HDAC4: variants seen among roughly 807,000 people sequenced by gnomAD.
HDAC4 encodes histone deacetylase 4.
A neutral mutation model predicts 135.1 loss-of-function variants in HDAC4; 16 were observed. That is an observed-to-expected ratio of 0.12 (90% CI 0.08 to 0.18). The LOEUF (loss-of-function observed/expected upper bound fraction) is 0.18, where lower values mean the gene tolerates loss of function less well. Among genes scored for constraint, HDAC4 ranks in the 10% least tolerant of loss-of-function variants. The pLI is 1.00. For missense variants in HDAC4, 1,143 were observed against 1,511.8 expected (o/e 0.76, Z 4.05); for synonymous variants, 685 against 653.4 (o/e 1.05, Z -0.74).
chr2:239,149,707 C>T (rs1003475312), intron 7 of HDAC4, among the ~76,000 whole-genome samples: 8 of 152,324 alleles, frequency 5.3e-5, no homozygotes, highest in Admixed American at 2.6e-4. Flanking sequence ...ACGTTGCTCA[C>T]GTGCTCCTGG....
In HDAC4 at chr2:239,068,571, C is replaced by T. The variant is rs780024560; in HGVS notation, c.2787G>A (p.Pro929=). 1.7e-5 allele frequency: 28 copies of T among 1,613,942 alleles called. No individual in the cohort carries two copies. Among genetic ancestry groups the T allele is most frequent in the East Asian group, 8.9e-5 (4 of 44,874 alleles). Residue 929 remains proline, a synonymous_variant, in exon 23 of 27, where the codon CCG becomes CCA. Transcript: ENST00000543185. The surrounding 1 kb of genome is among the most constrained non-coding windows in gnomAD (Gnocchi z 4.4). ...AGCCTGATGACACCAGCACCACATC[C>T]GGGGCAAACTCGCTGGCGATCGGCA... ...VVMPIASEFA[P]DVVLVSSGFD...
Position 239,299,405 on chromosome 2 carries a change from A to C in HDAC4, c.22+53273T>G, listed in dbSNP as rs894358152. Reference sequence around the variant, plus strand: ...CGGAGGTGCCTAACAATCCCAATAAAATGCTGACATGGGCTAATCTCAAGC... The same window carrying C: ...CGGAGGTGCCTAACAATCCCAATAACATGCTGACATGGGCTAATCTCAAGC... On this transcript the variant is annotated intron_variant, in intron 2 of 26. Transcript: ENST00000543185. The surrounding 1 kb of genome is among the most constrained non-coding windows in gnomAD (Gnocchi z 4.0). 6.6e-6 allele frequency among the ~76,000 whole-genome samples: 1 copy of C among 152,150 alleles called. No homozygotes were observed. The highest frequency in any genetic ancestry group is 1.5e-5 in the Non-Finnish European group (1 of 68,034).
rs1243474140 is a variant in HDAC4 at position 239,139,729 on chromosome 2, G to A, written c.933C>T (p.Ser311=). 8.1e-6 allele frequency: 13 copies of A among 1,614,008 alleles called. No homozygotes were observed. The highest frequency in any genetic ancestry group is 4.5e-5 in the East Asian group (2 of 44,890). Residue 311 remains serine (S), a synonymous_variant, in exon 9 of 27, where the codon AGC becomes AGT. Transcript: ENST00000543185. This position sits in a 1 kb window ranked among gnomAD's most constrained non-coding sequence, Gnocchi z 5.3. ...CGGCGGGCGCGATACCGTTCTCCGC[G>A]CTGACGCTCCCGGAGCTGTTGTTGG... ...SSPNNSSGSV[S]AENGIAPAVP...
chr2:239,099,326 G>A (rs949471132), intron 16 of HDAC4, among the ~76,000 whole-genome samples: 2 of 152,256 alleles, frequency 1.3e-5, no homozygotes. Context: ...TGGGCGCACA[G>A]AACTGCGTGT....
rs942781980 is a variant in HDAC4, at chr2:239,337,357, C to T, written c.22+15321G>A. 7.2e-5 allele frequency among the ~76,000 whole-genome samples: 11 copies of T among 152,126 alleles called. 1 individual carries two copies. Among genetic ancestry groups the T allele is most frequent in the African/African-American group, 2.4e-4 (10 of 41,414 alleles). On this transcript the variant is annotated intron_variant, in intron 2 of 26. Coordinates refer to ENST00000543185, the MANE Select transcript of HDAC4 (RefSeq NM_001378414.1). ...GAGAGAAACTCACACCCTGCATAAG[C>T]CACTAACCGGTGGGGACTCCCACGC...
At chr2:239,377,053 G>A (rs1013984834) in intron 1 of HDAC4, among the ~76,000 whole-genome samples, 10 of 152,046 alleles carry the variant, frequency 6.6e-5, no homozygotes, top group Non-Finnish European at 1.3e-4. Flanking sequence ...CACCTTACCC[G>A]TGAGCGTGCT....
intron 9 of HDAC4, among the ~76,000 whole-genome samples, chr2:239,138,477 T>C (rs1484009893): frequency 6.6e-6 from 1 of 152,234 alleles, no homozygotes; most frequent in Non-Finnish European, 1.5e-5. Context: ...CTATATTTAA[T>C]AAATTATAGC....
chr2:239,106,958 T>A (rs997347830), intron 15 of HDAC4, among the ~76,000 whole-genome samples: 2 of 151,926 alleles, frequency 1.3e-5, no homozygotes, highest in African/African-American at 4.8e-5. Context: ...GTGTGGGGAG[T>A]GGACATAGCA....
intron 5 of HDAC4, among the ~76,000 whole-genome samples, chr2:239,165,229 G>GA (rs141946423): frequency 0.11 from 16,232 of 150,352 alleles, 918 homozygotes; most frequent in East Asian, 0.19. Context: ...TGTCTCAAAA[G>GA]AAAAAAAGAA....
chr2:239,243,654 T>A (rs2153195502), intron 2 of HDAC4, among the ~76,000 whole-genome samples: 1 of 152,226 alleles, frequency 6.6e-6, no homozygotes, highest in East Asian at 1.9e-4. Flanking sequence ...TTGCAGCCAA[T>A]CTCCCCATCC....
At chr2:239,085,256 T>C (rs1181664939) in intron 19 of HDAC4, among the ~76,000 whole-genome samples, 2 of 152,010 alleles carry the variant, frequency 1.3e-5, no homozygotes, top group Non-Finnish European at 2.9e-5. Context: ...ATACATAAAT[T>C]ACCTTTAATT....
intron 15 of HDAC4, among the ~76,000 whole-genome samples, chr2:239,106,929 T>C (rs542078245): frequency 6.6e-5 from 10 of 152,312 alleles, no homozygotes; most frequent in African/African-American, 2.4e-4. Context: ...GCGCTATCTG[T>C]AGGATGGTGG....
chr2:239,098,566 C>A (rs916147483), intron 16 of HDAC4, among the ~76,000 whole-genome samples: 1 of 152,248 alleles, frequency 6.6e-6, no homozygotes, highest in African/African-American at 2.4e-5. Context: ...CTTTCAGTGA[C>A]GCCTAGGGCA....
chr2:239,117,159 G>A (rs1449199944), intron 12 of HDAC4, among the ~76,000 whole-genome samples: 1 of 152,232 alleles, frequency 6.6e-6, no homozygotes, highest in East Asian at 1.9e-4. Flanking sequence ...TCTGGGAGCT[G>A]TGGGAAGCCA....
chr2:239,353,235 A>T (rs956085589), intron 1 of HDAC4, among the ~76,000 whole-genome samples: 1 of 152,134 alleles, frequency 6.6e-6, no homozygotes, highest in Non-Finnish European at 1.5e-5. Context: ...GGCTGGTCTC[A>T]AACTCCTGAC....
intron 6 of HDAC4, among the ~76,000 whole-genome samples, chr2:239,158,843 C>T (rs2042592966): frequency 1.3e-5 from 2 of 152,100 alleles, no homozygotes; most frequent in Non-Finnish European, 2.9e-5. Context: ...CGCGAAGAAG[C>T]GTCCAGCAGG....
intron 2 of HDAC4, among the ~76,000 whole-genome samples, chr2:239,259,472 A>C (rs1478136226): frequency 6.6e-5 from 10 of 152,162 alleles, no homozygotes; most frequent in Admixed American, 1.3e-4. Flanking sequence ...AAACAACAAC[A>C]ACCAAAAAAA....
At chr2:239,157,589 A>AATGACAGCT (rs1322860583) in intron 6 of HDAC4, among the ~76,000 whole-genome samples, 1 of 152,220 alleles carries the variant, frequency 6.6e-6, no homozygotes, top group Non-Finnish European at 1.5e-5. Flanking sequence ...TTTTGACGGC[A>AATGACAGCT]CTGACAGCTC....
chr2:239,079,263 G>T (rs1245780925), intron 22 of HDAC4, among the ~76,000 whole-genome samples: 2 of 152,220 alleles, frequency 1.3e-5, no homozygotes, highest in African/African-American at 4.8e-5. Context: ...CATTAAATCT[G>T]ATCAAGAGTA....
Sources: allele counts gnomAD v4.1 joint callset (sites outside exome capture counted in the v4.1 genomes callset), GRCh38; gene constraint gnomAD v4.1.1; non-coding constraint Gnocchi (gnomAD v3.1); transcripts MANE v1.5; gene names NCBI Gene and HGNC (gene_info 2026-07-23, HGNC 2026-07-21).